Variants in CHN2 observed in about 807,000 individuals in gnomAD.
CHN2 encodes the protein chimerin 2.
A neutral mutation model predicts 56.3 loss-of-function variants in CHN2; 35 were observed. The ratio of observed to expected loss-of-function variants is 0.62; its 90% CI spans 0.47 to 0.82. The LOEUF is 0.82. CHN2 is among the 40% of genes least tolerant of loss of function. The probability of loss-of-function intolerance (pLI) is 0.00; values close to 1 mark genes in which losing one functional copy is unlikely to be tolerated. For missense variants in CHN2, 491 were observed against 580.5 expected, an observed-to-expected ratio of 0.85 and a Z score of 1.58; for synonymous variants, 210 against 212.8, an observed-to-expected ratio of 0.99 and a Z score of 0.12.
At chr7:29,335,240 G>A (rs1414954942) in intron 1 of CHN2, among the ~76,000 whole-genome samples, 2 of 152,186 alleles carry the variant, frequency 1.3e-5, no homozygotes, top group Admixed American at 6.5e-5. Flanking sequence ...AATGCCTATT[G>A]CAATATAACA....
intron 1 of CHN2, among the ~76,000 whole-genome samples, chr7:29,242,361 C>T (rs1302553057): frequency 6.6e-6 from 1 of 152,150 alleles, no homozygotes; most frequent in African/African-American, 2.4e-5. Context: ...GTGCCAATCA[C>T]CAGAGACCCC....
chr7:29,324,904 T>C (rs1213447613), intron 1 of CHN2, among the ~76,000 whole-genome samples: 3 of 152,198 alleles, frequency 2.0e-5, no homozygotes, highest in Non-Finnish European at 4.4e-5. Flanking sequence ...AGAAATACTT[T>C]CCTATCAACT....
chr7:29,400,802 C>G lies in CHN2; in HGVS notation c.550C>G (p.His184Asp), dbSNP rs761253400. 2 of 1,613,942 alleles carry G rather than the reference C, an allele frequency of 1.2e-6. No individual in the cohort carries two copies. The highest frequency in any genetic ancestry group is 1.7e-6 in the Non-Finnish European group (2 of 1,179,954). The change falls in exon 6 of 13, where the codon CAT becomes GAT. Residue 184 changes from histidine (H) to aspartate (D), a missense_variant. Physicochemically the swap from His to Asp is moderately conservative, Grantham distance 81 (BLOSUM62 -1). Coordinates refer to ENST00000222792, the MANE Select transcript of CHN2 (RefSeq NM_004067.4). Reference sequence around the variant, plus strand: ...TGAACCAAGAAAAACAAACGTCACACATGAAGAACACACAGCGGTGGAAAA... The same window carrying G: ...TGAACCAAGAAAAACAAACGTCACAGATGAAGAACACACAGCGGTGGAAAA... ...KNEPRKTNVT[H>D]EEHTAVEKIS...
intron 2 of CHN2, among the ~76,000 whole-genome samples, chr7:29,187,405 A>G (rs1424554875): frequency 6.6e-6 from 1 of 151,970 alleles, no homozygotes; most frequent in African/African-American, 2.4e-5. Context: ...GTACTCTGTT[A>G]TATTATACAT....
At chr7:29,395,479 C>T (rs1401856600) in intron 4 of CHN2, among the ~76,000 whole-genome samples, 1 of 151,312 alleles carries the variant, frequency 6.6e-6, no homozygotes, top group Non-Finnish European at 1.5e-5. Flanking sequence ...CCATTGCACT[C>T]CAGCCTGGGC....
intron 2 of CHN2, among the ~76,000 whole-genome samples, chr7:29,366,339 A>G (rs1396953633): frequency 6.6e-6 from 1 of 152,146 alleles, no homozygotes; most frequent in Non-Finnish European, 1.5e-5. Flanking sequence ...GGCCTCTCCT[A>G]TGGTCAGTGG....
chr7:29,427,726 GTC>G (rs1428197626), intron 6 of CHN2, among the ~76,000 whole-genome samples: 1 of 133,912 alleles, frequency 7.5e-6, no homozygotes, highest in Non-Finnish European at 1.5e-5. Context: ...GCGCGATCTT[GTC>G]TCACTGAAAC....
At chr7:29,410,444 A>G (rs1423665780) in intron 6 of CHN2, among the ~76,000 whole-genome samples, 1 of 152,098 alleles carries the variant, frequency 6.6e-6, no homozygotes, top group Non-Finnish European at 1.5e-5. Flanking sequence ...CTCTTGATTA[A>G]AGGTTTTTTT....
chr7:29,239,185 G>C (rs1399621564), intron 1 of CHN2, among the ~76,000 whole-genome samples: 3 of 152,178 alleles, frequency 2.0e-5, no homozygotes, highest in African/African-American at 7.2e-5. Context: ...TGATGGCAGT[G>C]GGAGTGACAT....
intron 1 of CHN2, among the ~76,000 whole-genome samples, chr7:29,309,581 T>C (rs1585025906): frequency 6.6e-6 from 1 of 152,368 alleles, no homozygotes; most frequent in East Asian, 1.9e-4. Context: ...TAGCATGAGC[T>C]AGTGGCATGT....
chr7:29,300,812 T>G (rs1159202833), intron 1 of CHN2, among the ~76,000 whole-genome samples: 3 of 152,242 alleles, frequency 2.0e-5, no homozygotes, highest in Non-Finnish European at 4.4e-5. Flanking sequence ...CACCCCCATT[T>G]AAAATGTGAT....
At chr7:29,219,248 T>C (rs924290778) in intron 1 of CHN2, among the ~76,000 whole-genome samples, 1 of 152,182 alleles carries the variant, frequency 6.6e-6, no homozygotes, top group Non-Finnish European at 1.5e-5. Flanking sequence ...TAGAAACGTT[T>C]TTAGGAAAGG....
At chr7:29,206,307 G>GA (rs1306500249) in intron 1 of CHN2, among the ~76,000 whole-genome samples, 1 of 152,032 alleles carries the variant, frequency 6.6e-6, no homozygotes, top group Non-Finnish European at 1.5e-5. Flanking sequence ...CCCCAAGATG[G>GA]AAAAAACTCT....
chr7:29,503,854 G>C (rs1790247313), intron 9 of CHN2, among the ~76,000 whole-genome samples: 1 of 152,186 alleles, frequency 6.6e-6, no homozygotes, highest in South Asian at 2.1e-4. Flanking sequence ...ATAGCAGCTA[G>C]TTTGTGACAT....
rs1787429870 is a variant in CHN2, at chr7:29,482,797, C to CTTTTCTTT, written c.654+2445_654+2446insCTTTTTTT. ...TGCTAGGTGCTGTCTGCACTTTTTT[C>CTTTTCTTT]TTTTTTTTTTTTTTTTTTTTTTTTT... On this transcript the variant is annotated intron_variant, in intron 7 of 12. Transcript: ENST00000222792. Among the ~76,000 whole-genome samples the CTTTTCTTT allele has an allele frequency of 7.8e-5, 5 of 64,204 alleles. 1 individual carries two copies. The highest frequency in any genetic ancestry group is 8.8e-5 in the Non-Finnish European group (3 of 34,258). 42.1% of individuals were successfully genotyped at this position (64,204 alleles called of 152,430 possible).
chr7:29,480,838 A>G (rs546632610), intron 7 of CHN2, among the ~76,000 whole-genome samples: 1 of 152,382 alleles, frequency 6.6e-6, no homozygotes, highest in South Asian at 2.1e-4. Context: ...AAATCAAATA[A>G]TGACAGGAGA....
chr7:29,427,115 C>T (rs368627059), intron 6 of CHN2, among the ~76,000 whole-genome samples: 2 of 152,118 alleles, frequency 1.3e-5, no homozygotes, highest in East Asian at 1.9e-4. Context: ...GTCGGGAGTT[C>T]GAGACCAGCC....
At chr7:29,473,902 A>G (rs957184825) in intron 6 of CHN2, among the ~76,000 whole-genome samples, 1 of 152,202 alleles carries the variant, frequency 6.6e-6, no homozygotes, top group Non-Finnish European at 1.5e-5. Context: ...ATCTAATAAG[A>G]GTTTTATAAT....
chr7:29,276,384 T>C (rs1354147928), intron 1 of CHN2, among the ~76,000 whole-genome samples: 1 of 152,152 alleles, frequency 6.6e-6, no homozygotes, highest in Non-Finnish European at 1.5e-5. Flanking sequence ...GCCTGGATAT[T>C]ATTTCCCTGT....
Sources: allele counts gnomAD v4.1 joint callset (sites outside exome capture counted in the v4.1 genomes callset), GRCh38; gene constraint gnomAD v4.1.1; transcripts MANE v1.5; gene names NCBI Gene and HGNC (gene_info 2026-07-23, HGNC 2026-07-21).